TSHZ1: variants seen among roughly 807,000 people sequenced by gnomAD.
TSHZ1 encodes the protein teashirt zinc finger homeobox 1, also known as teashirt homolog 1.
In TSHZ1, 12 loss-of-function variants were observed where a neutral mutation model predicts 67.1. That is an observed-to-expected ratio of 0.18 (90% CI 0.11 to 0.29). The LOEUF (loss-of-function observed/expected upper bound fraction) is 0.29, where lower values mean the gene tolerates loss of function less well. TSHZ1 is among the 10% of genes least tolerant of loss of function. TSHZ1 has a pLI of 1.00. For synonymous variants in TSHZ1, 632 were observed against 622.4 expected, an observed-to-expected ratio of 1.02 and a Z score of -0.23; for missense variants, 1,305 against 1,413.9, an observed-to-expected ratio of 0.92 and a Z score of 1.23.
Position 75,285,536 on chromosome 18 carries a change from T to G in TSHZ1, c.129T>G (p.Ser43Arg). The G allele has an allele frequency of 9.6e-6, 15 of 1,557,668 alleles. No individual in the cohort carries two copies. Among genetic ancestry groups the G allele is most frequent in the Non-Finnish European group, 1.2e-5 (14 of 1,146,638 alleles). The stretch of plus-strand genomic sequence containing the variant: ...GGCTGTCTTTGGACATTCAGGAAAG[T>G]GAGTACATGTGCAATGAAGAGACGG... ...DDGLSLDIQE[S>R]EYMCNEETEI... The change falls in exon 2 of 2, where the codon AGT becomes AGG. Residue 43 changes from serine (S) to arginine (R), a missense_variant. Transcript: ENST00000580243.
At chr18:75,247,503 GC>G (rs984089657) in intron 1 of TSHZ1, among the ~76,000 whole-genome samples, 1 of 152,194 alleles carries the variant, frequency 6.6e-6, no homozygotes, top group African/African-American at 2.4e-5. Context: ...GAATTGCCTT[GC>G]CCCTTAAGTT....
At chr18:75,251,151 G>A (rs2023298296) in intron 1 of TSHZ1, among the ~76,000 whole-genome samples, 1 of 152,096 alleles carries the variant, frequency 6.6e-6, no homozygotes, top group Non-Finnish European at 1.5e-5. Flanking sequence ...TATCTTTTTA[G>A]TTTGAAATAA....
In TSHZ1 at chr18:75,288,786, T is replaced by C. The variant is rs2023822785; in HGVS notation, c.*145T>C. 5 of 1,334,136 alleles carry C rather than the reference T, an allele frequency of 3.7e-6. No individual in the cohort carries two copies. The East Asian group carries it at 1.3e-4, about 34-fold the overall frequency. 82.6% of individuals were successfully genotyped at this position (1,334,136 alleles called of 1,614,324 possible). On this transcript the variant is annotated 3_prime_UTR_variant, in exon 2 of 2. Coordinates refer to ENST00000580243, the MANE Select transcript of TSHZ1 (RefSeq NM_001308210.2). This position sits in a 1 kb window ranked among gnomAD's most constrained non-coding sequence, Gnocchi z 4.9. ...GGTTTTCTTACACATATTTTGTATA[T>C]TTATATGCTCTCTGTCCGATCTGTG...
intron 1 of TSHZ1, among the ~76,000 whole-genome samples, chr18:75,254,529 T>C (rs1371582635): frequency 6.6e-6 from 1 of 152,232 alleles, no homozygotes; most frequent in Non-Finnish European, 1.5e-5. Context: ...TTAAATTTTA[T>C]TGTTCTGTTA....
intron 1 of TSHZ1, among the ~76,000 whole-genome samples, chr18:75,225,634 C>T (rs1368072213): frequency 6.6e-6 from 1 of 152,264 alleles, no homozygotes; most frequent in African/African-American, 2.4e-5. Flanking sequence ...GCTGACCATC[C>T]TCCACATTCC....
At chr18:75,261,688 AT>A (rs2023432475) in intron 1 of TSHZ1, among the ~76,000 whole-genome samples, 1 of 152,232 alleles carries the variant, frequency 6.6e-6, no homozygotes, top group Admixed American at 6.5e-5. Context: ...TAAATGACTG[AT>A]AAGAGGAAGT....
chr18:75,214,147 C>G (rs1334488624), intron 1 of TSHZ1, among the ~76,000 whole-genome samples: 1 of 152,152 alleles, frequency 6.6e-6, no homozygotes, highest in African/African-American at 2.4e-5. Flanking sequence ...TAGCTCTTCC[C>G]CCCTCACTCA....
intron 1 of TSHZ1, among the ~76,000 whole-genome samples, chr18:75,224,583 C>T (rs1040096858): frequency 1.3e-5 from 2 of 152,034 alleles, no homozygotes; most frequent in Non-Finnish European, 1.5e-5. Context: ...AATGTATGAT[C>T]CCCCCCTCCC....
At chr18:75,260,810 T>C (rs12960191) in intron 1 of TSHZ1, among the ~76,000 whole-genome samples, 1 of 152,184 alleles carries the variant, frequency 6.6e-6, no homozygotes, top group Non-Finnish European at 1.5e-5. Context: ...CTTATGGCCG[T>C]GGTGGTGATA....
At position 75,247,863 on chromosome 18, in the gene TSHZ1, C is replaced by CTTTT. The variant is rs34014801; in HGVS notation, c.40+35959_40+35962dup. ...ATTTATTTGAAATGTTCAGACCTTA[C>CTTTT]TTTTTTTTTTTTTTTACTTCCTGTT... On this transcript the variant is annotated intron_variant, in intron 1 of 1. Transcript: ENST00000580243. 1.7e-4 allele frequency among the ~76,000 whole-genome samples: 25 copies of CTTTT among 143,048 alleles called. 1 individual carries two copies. The East Asian group carries it at 3.4e-3, about 20-fold the overall frequency. 93.8% of individuals were successfully genotyped at this position (143,048 alleles called of 152,430 possible). A position where few individuals can be genotyped will look rare whatever the true frequency, so the allele number is the denominator to read the frequency against.
intron 1 of TSHZ1, among the ~76,000 whole-genome samples, chr18:75,217,583 G>T (rs976828384): frequency 1.2e-4 from 19 of 152,154 alleles, no homozygotes; most frequent in African/African-American, 4.3e-4. Context: ...AATGAACCAG[G>T]TTTTCTTTTT....
chr18:75,280,673 A>G, intron 1 of TSHZ1: 1 of 863,036 alleles, frequency 1.2e-6, no homozygotes. Context: ...CCTGTGGAAA[A>G]GGTGTTTCAG....
At chr18:75,255,923 A>G (rs2023356898) in intron 1 of TSHZ1, among the ~76,000 whole-genome samples, 1 of 152,268 alleles carries the variant, frequency 6.6e-6, no homozygotes. Flanking sequence ...CACTAAAGAA[A>G]TTAAATTACT....
chr18:75,231,845 C>T (rs1180483777), intron 1 of TSHZ1, among the ~76,000 whole-genome samples: 3 of 151,720 alleles, frequency 2.0e-5, no homozygotes, highest in South Asian at 2.1e-4. Context: ...GCCCACTCTG[C>T]GATTTTAGAT....
At chr18:75,285,257 C>T (rs1438732252) in intron 1 of TSHZ1, 191 bp from the exon 2 acceptor site, 1 of 521,172 alleles carries the variant, frequency 1.9e-6, no homozygotes, top group Non-Finnish European at 3.1e-6. Context: ...TTGCTAAAGA[C>T]ACACTCAGGA....
chr18:75,282,712 G>C (rs1346918436), intron 1 of TSHZ1, among the ~76,000 whole-genome samples: 1 of 152,120 alleles, frequency 6.6e-6, no homozygotes, highest in Non-Finnish European at 1.5e-5. Flanking sequence ...CTTAACCTGG[G>C]ACTTCCAGTC....
At chr18:75,242,807 C>T (rs369221634) in intron 1 of TSHZ1, among the ~76,000 whole-genome samples, 2 of 152,370 alleles carry the variant, frequency 1.3e-5, no homozygotes, top group East Asian at 1.9e-4. Flanking sequence ...GGCCATAATG[C>T]ATGGTGTTTC....
chr18:75,265,256 T>G (rs1209124705), intron 1 of TSHZ1, among the ~76,000 whole-genome samples: 9 of 152,242 alleles, frequency 5.9e-5, no homozygotes, highest in Non-Finnish European at 1.0e-4. Context: ...TGGGATTCCT[T>G]TGGCTCGTCA....
At chr18:75,263,697 G>T (rs376240830) in intron 1 of TSHZ1, among the ~76,000 whole-genome samples, 1 of 152,214 alleles carries the variant, frequency 6.6e-6, no homozygotes, top group East Asian at 1.9e-4. Context: ...ATAATTCAGT[G>T]TGAAGGAAAA....
Sources: allele counts gnomAD v4.1 joint callset (sites outside exome capture counted in the v4.1 genomes callset), GRCh38; gene constraint gnomAD v4.1.1; non-coding constraint Gnocchi (gnomAD v3.1); transcripts MANE v1.5; gene names NCBI Gene and HGNC (gene_info 2026-07-23, HGNC 2026-07-21).